DENND1A: variants seen among roughly 807,000 people sequenced by gnomAD.
DENND1A encodes the protein DENN domain-containing protein 1A.
A neutral mutation model predicts 113.7 loss-of-function variants in DENND1A; 51 were observed. The observed-to-expected ratio is 0.45, with a 90% CI of 0.36 to 0.57. The LOEUF (loss-of-function observed/expected upper bound fraction) is 0.57. DENND1A is among the 20% of genes least tolerant of loss of function. The pLI, the probability that DENND1A is intolerant of heterozygous loss-of-function variation, is 0.00. For synonymous variants in DENND1A, 565 were observed against 570.8 expected (o/e 0.99, Z 0.14); for missense variants, 1,258 against 1,395.9 (o/e 0.90, Z 1.57).
intron 9 of DENND1A, among the ~76,000 whole-genome samples, chr9:123,638,964 C>T (rs969850594): frequency 4.4e-5 from 6 of 137,312 alleles, no homozygotes; most frequent in African/African-American, 1.6e-4. Context: ...ATCGTGAGTA[C>T]CTATCTGTCA....
chr9:123,756,126 G>A (rs2070520080), intron 5 of DENND1A, among the ~76,000 whole-genome samples: 1 of 152,098 alleles, frequency 6.6e-6, no homozygotes. Context: ...TGCTCAGGCT[G>A]GTCTCAAACT....
At chr9:123,827,984 A>G (rs1193316111) in intron 2 of DENND1A, among the ~76,000 whole-genome samples, 2 of 152,200 alleles carry the variant, frequency 1.3e-5, no homozygotes, top group Non-Finnish European at 2.9e-5. Context: ...ATTGGCACTC[A>G]ATAAAAAATT....
intron 7 of DENND1A, among the ~76,000 whole-genome samples, chr9:123,669,204 A>C (rs533554677): frequency 2.0e-5 from 3 of 152,172 alleles, no homozygotes; most frequent in Admixed American, 1.3e-4. Context: ...AGAGACAAAA[A>C]GTCCAGGATT....
intron 1 of DENND1A, among the ~76,000 whole-genome samples, chr9:123,904,163 T>C (rs1205733936): frequency 6.6e-6 from 1 of 152,176 alleles, no homozygotes; most frequent in African/African-American, 2.4e-5. Flanking sequence ...CTGAGGGTCC[T>C]GTCTGTTAGA....
chr9:123,851,915 TCAGAATC>T (rs1370556839), intron 2 of DENND1A, among the ~76,000 whole-genome samples: 1 of 152,262 alleles, frequency 6.6e-6, no homozygotes, highest in East Asian at 1.9e-4. Context: ...GAAGGACGAT[TCAGAATC>T]CAAAAGCCCA....
At position 123,419,281 on chromosome 9, in the gene DENND1A, A is replaced by C. The variant is rs112755125; in HGVS notation, c.1489-7452T>G. ...AGAGCTAGCCTCTGAAGCTGGCCCC[A>C]AAGGGGGTCTCAGATCCTCTGTGTG... On this transcript the variant is annotated intron_variant, in intron 19 of 23. Transcript: ENST00000394215. 2.2e-3 allele frequency among the ~76,000 whole-genome samples: 339 copies of C among 152,320 alleles called. 2 individuals carry two copies. Among genetic ancestry groups the C allele is most frequent in the Non-Finnish European group, 4.4e-3 (302 of 68,022 alleles).
intron 1 of DENND1A, among the ~76,000 whole-genome samples, chr9:123,904,974 T>C (rs1044944641): frequency 2.0e-5 from 3 of 152,042 alleles, no homozygotes; most frequent in African/African-American, 4.8e-5. Flanking sequence ...CGGGTTACCC[T>C]CAAAGGGAAG....
chr9:123,691,225 C>T (rs1002797493), intron 5 of DENND1A, among the ~76,000 whole-genome samples: 49 of 152,158 alleles, frequency 3.2e-4, no homozygotes, highest in African/African-American at 1.2e-3. Context: ...TAGGATAAAT[C>T]AATGAACAAG....
At chr9:123,744,799 G>A (rs1248170720) in intron 5 of DENND1A, among the ~76,000 whole-genome samples, 2 of 116,676 alleles carry the variant, frequency 1.7e-5, no homozygotes, top group Admixed American at 1.0e-4. Context: ...TTTTGACACA[G>A]AGTCTTGCTC....
rs762885418 is a variant in DENND1A, at chr9:123,630,449, C to T, written c.646G>A (p.Ala216Thr). 2.5e-6 allele frequency: 4 copies of T among 1,597,358 alleles called. No individual in the cohort carries two copies. The African/African-American group carries it at 4.0e-5, about 16-fold the overall frequency. Residue 216 changes from alanine (A) to threonine (T), a missense_variant, in exon 10 of 24, where the codon GCG becomes ACG. Transcript: ENST00000394215. ...TGCCAGTACATGGGGTAGAGCATCG[C>T]CGCAGACCCGTGGATGCAGGCAGTC... is the stretch of plus-strand genomic sequence containing the variant. ...TLTACIHGSAAMLYPMYWQHV... is the reference protein window; with the variant it reads ...TLTACIHGSATMLYPMYWQHV...
intron 19 of DENND1A, among the ~76,000 whole-genome samples, chr9:123,434,174 A>G (rs939119286): frequency 1.3e-5 from 2 of 152,164 alleles, no homozygotes; most frequent in Admixed American, 6.5e-5. Flanking sequence ...CTACAGGCGC[A>G]TGCCATCATG....
intron 21 of DENND1A, chr9:123,400,617 G>A (rs1436251187): frequency 6.6e-6 from 1 of 152,218 alleles, no homozygotes; most frequent in Non-Finnish European, 1.5e-5. Context: ...GTCTCACTCT[G>A]TTGCACAGGC....
At chr9:123,869,257 CT>C (rs1846187258) in intron 2 of DENND1A, among the ~76,000 whole-genome samples, 1 of 152,200 alleles carries the variant, frequency 6.6e-6, no homozygotes, top group Non-Finnish European at 1.5e-5. Context: ...ATGCCAGGCA[CT>C]CTTCTAGCTA....
At chr9:123,711,238 G>A (rs549023367) in intron 5 of DENND1A, among the ~76,000 whole-genome samples, 18 of 151,712 alleles carry the variant, frequency 1.2e-4, no homozygotes, top group African/African-American at 4.3e-4. Flanking sequence ...GCTGAGGCGA[G>A]TGGATCACCT....
chr9:123,433,675 AAAC>A (rs199948535), intron 19 of DENND1A, among the ~76,000 whole-genome samples: 410 of 152,324 alleles, frequency 2.7e-3, no homozygotes, highest in African/African-American at 9.4e-3. Flanking sequence ...TTTTTTAAAA[AAAC>A]AACAACACAT....
intron 13 of DENND1A, among the ~76,000 whole-genome samples, chr9:123,549,205 C>A (rs2056890180): frequency 6.6e-6 from 1 of 152,176 alleles, no homozygotes; most frequent in African/African-American, 2.4e-5. Flanking sequence ...CACAGCTGCA[C>A]ACACACATCA....
chr9:123,393,604 C>T (rs1328581853), intron 21 of DENND1A, among the ~76,000 whole-genome samples: 1 of 151,940 alleles, frequency 6.6e-6, no homozygotes, highest in Non-Finnish European at 1.5e-5. Context: ...CACAGTGGCA[C>T]ACGCCCCATA....
intron 13 of DENND1A, among the ~76,000 whole-genome samples, chr9:123,528,516 C>T (rs969614774): frequency 3.9e-5 from 6 of 152,318 alleles, no homozygotes; most frequent in Admixed American, 1.3e-4. Context: ...TCCAGCTGCA[C>T]ATTTTTTGAC....
At chr9:123,395,984 T>C (rs945393831) in intron 21 of DENND1A, among the ~76,000 whole-genome samples, 9 of 151,708 alleles carry the variant, frequency 5.9e-5, no homozygotes, top group African/African-American at 1.7e-4. Context: ...GCCTGGTGTG[T>C]GTGTGTGTGT....
Sources: gnomAD v4.1 joint callset for allele counts (sites outside exome capture counted in the v4.1 genomes callset) on GRCh38, gnomAD v4.1.1 for gene constraint, MANE v1.5 for transcripts, NCBI Gene and HGNC (gene_info 2026-07-23, HGNC 2026-07-21) for gene names.